Variants in PARP1 observed in about 807,000 individuals in gnomAD.
The protein encoded by PARP1 is poly(ADP-ribose) polymerase 1, also known as poly [ADP-ribose] polymerase 1.
In PARP1, 44 loss-of-function variants were observed where a neutral mutation model predicts 118.7. That is an observed-to-expected ratio of 0.37 (90% confidence interval 0.29 to 0.48). The LOEUF (loss-of-function observed/expected upper bound fraction) is 0.48. Among genes scored for constraint, PARP1 ranks in the 20% least tolerant of loss-of-function variants. The pLI, the probability that PARP1 is intolerant of heterozygous loss-of-function variation, is 0.99. For missense variants in PARP1, 1,100 were observed against 1,272.4 expected (o/e 0.86, Z 2.06); for synonymous variants, 492 against 483.2 (o/e 1.02, Z -0.24).
intron 2 of PARP1, chr1:226,392,569 T>C: frequency 1.8e-6 from 1 of 557,442 alleles, no homozygotes; most frequent in Non-Finnish European, 3.2e-6. Flanking sequence ...GTCAGCTGTC[T>C]GACATTCCAT....
At chr1:226,367,388 C>A in intron 17 of PARP1, 92 bp downstream of exon 17, 1 of 1,493,098 alleles carries the variant, frequency 6.7e-7, no homozygotes. Flanking sequence ...TTTTAACAAG[C>A]TTTCCAGGAG....
At chr1:226,389,334 C>T (rs897810014) in intron 4 of PARP1, among the ~76,000 whole-genome samples, 1 of 152,224 alleles carries the variant, frequency 6.6e-6, no homozygotes, top group African/African-American at 2.4e-5. Context: ...TCAGCAAACA[C>T]AGCTCTGAGG....
chr1:226,374,189 G>T, intron 14 of PARP1, 37 bp downstream of exon 14: 1 of 1,611,376 alleles, frequency 6.2e-7, no homozygotes, highest in Admixed American at 1.7e-5. Flanking sequence ...ATCATCCACA[G>T]CAAATGCTCA....
At position 226,385,576 on chromosome 1, in the gene PARP1, C is replaced by A; in HGVS notation, c.939G>T (p.Gly313=). Reference sequence around the variant, plus strand: ...TACACTTGGTCCAGGCAGTGACGTCCCCAGTGCAGTAATAGGCATCGCTCT... The same window carrying A: ...TACACTTGGTCCAGGCAGTGACGTCACCAGTGCAGTAATAGGCATCGCTCT... ...VFKSDAYYCT[G]DVTAWTKCMV... The change falls in exon 7 of 23, where the codon GGG becomes GGT. Residue 313 remains glycine (G), a synonymous_variant. Coordinates refer to ENST00000366794, the MANE Select transcript of PARP1 (RefSeq NM_001618.4). 1.2e-6 allele frequency: 2 copies of A among 1,614,124 alleles called. No individual in the cohort carries two copies. Among genetic ancestry groups the A allele is most frequent in the Non-Finnish European group, 1.7e-6 (2 of 1,180,020 alleles).
chr1:226,384,337 G>C (rs1185030542), intron 7 of PARP1, among the ~76,000 whole-genome samples: 1 of 152,268 alleles, frequency 6.6e-6, no homozygotes, highest in Non-Finnish European at 1.5e-5. Flanking sequence ...CCGCATCACA[G>C]AGGGCTCTGA....
rs750879777 is a variant in PARP1 at position 226,407,937 on chromosome 1, T to C, written c.-8A>G. The C allele has an allele frequency of 1.2e-6, 2 of 1,611,446 alleles. No individual in the cohort carries two copies. ...ATCCGAAGACTCCGCCATCCTCCCC[T>C]AGCTGCCGCCAAAGCTCCGGAAGCC... On this transcript the variant is annotated 5_prime_UTR_variant, in exon 1 of 23. Transcript: ENST00000366794.
chr1:226,408,036 G>A lies in PARP1; in HGVS notation c.-107C>T. 6.6e-7 allele frequency: 1 copy of A among 1,520,928 alleles called. No individual in the cohort carries two copies. The allele number at this position is 1,520,928 out of a possible 1,614,324, so 94.2% of individuals were successfully genotyped here. On this transcript the variant is annotated 5_prime_UTR_variant, in exon 1 of 23. Coordinates refer to ENST00000366794, the MANE Select transcript of PARP1 (RefSeq NM_001618.4). ...CTCACCCAGCCGCAGGCGCCTGAGC[G>A]GCCAGAGCCGCCACCGAACACGCCG...
intron 13 of PARP1, among the ~76,000 whole-genome samples, chr1:226,375,078 A>G (rs3219101): frequency 0.02 from 3,064 of 152,272 alleles, 115 homozygotes; most frequent in African/African-American, 0.07. Context: ...AGCAACTAAA[A>G]CGGAATTTGG....
intron 2 of PARP1, among the ~76,000 whole-genome samples, chr1:226,397,290 C>A (rs2102744629): frequency 6.6e-6 from 1 of 152,240 alleles, no homozygotes; most frequent in East Asian, 1.9e-4. Context: ...CGGTACATTC[C>A]AGCCTAGGCA....
chr1:226,381,782 G>C (rs554415615), intron 8 of PARP1, among the ~76,000 whole-genome samples: 1 of 152,342 alleles, frequency 6.6e-6, no homozygotes, highest in African/African-American at 2.4e-5. Context: ...TGTGCCTTCT[G>C]TTCACAGCAA....
intron 15 of PARP1, 123 bp from the exon 16 acceptor site, chr1:226,368,444 G>T: frequency 8.3e-7 from 1 of 1,208,306 alleles, no homozygotes; most frequent in Non-Finnish European, 1.2e-6. Context: ...ATGTGCACAT[G>T]CCAGGACACA....
At chr1:226,379,443 A>C in intron 11 of PARP1, 130 bp downstream of exon 11, 1 of 1,139,024 alleles carries the variant, frequency 8.8e-7, no homozygotes. Flanking sequence ...CTGGTGAAGG[A>C]GGCCTGAGTG....
intron 21 of PARP1, among the ~76,000 whole-genome samples, chr1:226,362,626 G>C (rs1488509446): frequency 6.6e-6 from 1 of 152,160 alleles, no homozygotes; most frequent in Non-Finnish European, 1.5e-5. Context: ...GCAGTGGAAG[G>C]TTCTAAATCA....
intron 2 of PARP1, among the ~76,000 whole-genome samples, chr1:226,395,474 C>T (rs1438809931): frequency 6.6e-6 from 1 of 151,968 alleles, no homozygotes; most frequent in African/African-American, 2.4e-5. Context: ...GAAACCTTGT[C>T]TCCACTAAAA....
chr1:226,402,735 G>C (rs1167162933), intron 1 of PARP1, among the ~76,000 whole-genome samples: 1 of 152,238 alleles, frequency 6.6e-6, no homozygotes, highest in Non-Finnish European at 1.5e-5. Context: ...TCATGGCCTA[G>C]TGAAATGCAC....
At chr1:226,393,373 T>C (rs1073991) in intron 2 of PARP1, among the ~76,000 whole-genome samples, 34,310 of 152,144 alleles carry the variant, frequency 0.23, 4,654 homozygotes, top group African/African-American at 0.37. Context: ...ACTGTTAAGA[T>C]GTCAATTATC....
Position 226,361,545 on chromosome 1 carries a change from A to C in PARP1, c.2964-4T>G. 1 of 1,604,054 alleles carries C rather than the reference A, an allele frequency of 6.2e-7. No homozygotes were observed. The highest frequency in any genetic ancestry group is 8.5e-7 in the Non-Finnish European group (1 of 1,170,866). On this transcript the variant is annotated splice_region_variant and splice_polypyrimidine_tract_variant and intron_variant, in intron 22 of 22. Transcript: ENST00000366794. ...AGCAATATCATAGACAATGTACCTG[A>C]GGGGAAGCTTGTTAAGGAGCCAACA...
At chr1:226,386,265 C>T (rs1664713808) in intron 6 of PARP1, 61 bp downstream of exon 6, 2 of 962,386 alleles carry the variant, frequency 2.1e-6, no homozygotes, top group Admixed American at 1.7e-5. Context: ...TTGGGACAGT[C>T]ACTCCACAAC....
At position 226,374,456 on chromosome 1, in the gene PARP1, T is replaced by C. The variant is rs1576393867; in HGVS notation, c.1942-102A>G. 6.5e-6 allele frequency: 9 copies of C among 1,390,380 alleles called. No homozygotes were observed. The South Asian group carries it at 1.1e-4, about 16-fold the overall frequency. 86.1% of individuals were successfully genotyped at this position (1,390,380 alleles called of 1,614,324 possible). On this transcript the variant is annotated intron_variant, in intron 13 of 22. Coordinates refer to ENST00000366794, the MANE Select transcript of PARP1 (RefSeq NM_001618.4). ...TGCAGACAAAGGACACAGGCTAGAG[T>C]GCCACCAGCAAAAAAAGCTGAGTGT...
Sources: gnomAD v4.1 joint callset for allele counts (sites outside exome capture counted in the v4.1 genomes callset) on GRCh38, gnomAD v4.1.1 for gene constraint, MANE v1.5 for transcripts, NCBI Gene and HGNC (gene_info 2026-07-23, HGNC 2026-07-21) for gene names.